Variants in CAPZB observed in about 807,000 individuals in gnomAD.
CAPZB encodes F-actin-capping protein subunit beta.
Under a neutral mutation model 38.1 loss-of-function variants are expected in CAPZB, and 2 were observed. The ratio of observed to expected loss-of-function variants is 0.05; its 90% confidence interval spans 0.02 to 0.17. The LOEUF is 0.17. Ranked by LOEUF, CAPZB falls within the 10% of genes least tolerant of loss-of-function variation. The pLI, the probability that CAPZB is intolerant of heterozygous loss-of-function variation, is 1.00. For synonymous variants in CAPZB, 107 were observed against 127.4 expected (o/e 0.84, Z 1.08); for missense variants, 161 against 334.2 (o/e 0.48, Z 4.04).
intron 1 of CAPZB, among the ~76,000 whole-genome samples, chr1:19,446,313 T>C (rs541449944): frequency 1.1e-4 from 16 of 152,338 alleles, no homozygotes; most frequent in Non-Finnish European, 1.6e-4. Context: ...GACAACATGT[T>C]AGTCCCTGGA....
Position 19,405,541 on chromosome 1 carries a change from C to CAAA in CAPZB, c.93+14117_93+14119dup, listed in dbSNP as rs10577923. Among the ~76,000 whole-genome samples, 225 of 96,426 alleles carry CAAA rather than the reference C, an allele frequency of 2.3e-3. 3 individuals carry two copies. Among genetic ancestry groups the CAAA allele is most frequent in the African/African-American group, 8.0e-3 (178 of 22,376 alleles). 63.3% of individuals were successfully genotyped at this position (96,426 alleles called of 152,430 possible). A position where few individuals can be genotyped will look rare whatever the true frequency, so the allele number is the denominator to read the frequency against. ...TGTTCAACACATAGCTAGAAAGAGG[C>CAAA]AAAAAAAAAAAAAAAAAAAAAAAAT... On this transcript the variant is annotated intron_variant, in intron 2 of 8. Transcript: ENST00000264202.
intron 1 of CAPZB, among the ~76,000 whole-genome samples, chr1:19,448,578 G>C (rs534163893): frequency 6.6e-6 from 1 of 152,192 alleles, no homozygotes; most frequent in Non-Finnish European, 1.5e-5. Context: ...CATGATAAAT[G>C]CTGTAGGGGT....
chr1:19,416,459 TG>T lies in CAPZB; in HGVS notation c.93+3201del, dbSNP rs112671091. Among the ~76,000 whole-genome samples the T allele has an allele frequency of 2.6e-3, 403 of 152,206 alleles. 3 individuals are homozygous for T. Among genetic ancestry groups the T allele is most frequent in the African/African-American group, 9.3e-3 (386 of 41,534 alleles). ...GGTGGCCATATGTACCTTACAGGGG[TG>T]TTGTATGACTTTGAAGAAACAATAA... On this transcript the variant is annotated intron_variant, in intron 2 of 8. Coordinates refer to ENST00000264202, the MANE Select transcript of CAPZB (RefSeq NM_004930.5).
At chr1:19,341,077 C>A (rs899811697) in intron 8 of CAPZB, among the ~76,000 whole-genome samples, 1 of 152,148 alleles carries the variant, frequency 6.6e-6, no homozygotes, top group Non-Finnish European at 1.5e-5. Flanking sequence ...ACAGGAAGAG[C>A]CCTCAAAATA....
At chr1:19,407,736 G>A (rs1048879142) in intron 2 of CAPZB, among the ~76,000 whole-genome samples, 2 of 152,148 alleles carry the variant, frequency 1.3e-5, no homozygotes, top group Non-Finnish European at 2.9e-5. Context: ...CCACGCTCTT[G>A]TCTAGCTTTC....
rs552866451 is a variant in CAPZB, at chr1:19,369,643, G to A, written c.329+8897C>T. Among the ~76,000 whole-genome samples the A allele has an allele frequency of 6.6e-5, 10 of 152,336 alleles. No individual in the cohort carries two copies. The East Asian group carries it at 1.7e-3, about 26-fold the overall frequency. ...CACCCTGCTGTCCCGAGTGCAAGAT[G>A]AGTGGCAAGCGGTGCCCGTCACGGG... On this transcript the variant is annotated intron_variant, in intron 4 of 8. Transcript: ENST00000264202.
chr1:19,407,892 T>A (rs960641744), intron 2 of CAPZB, among the ~76,000 whole-genome samples: 3 of 152,120 alleles, frequency 2.0e-5, no homozygotes, highest in African/African-American at 7.2e-5. Flanking sequence ...GCAGCTGGTG[T>A]CAGATGACCC....
intron 1 of CAPZB, among the ~76,000 whole-genome samples, chr1:19,478,052 T>C (rs776254386): frequency 3.9e-5 from 6 of 152,170 alleles, no homozygotes; most frequent in Non-Finnish European, 8.8e-5. Flanking sequence ...CACAGAGCAA[T>C]TGAAGCAGAG....
chr1:19,444,232 C>T (rs945304397), intron 1 of CAPZB, among the ~76,000 whole-genome samples: 1 of 152,130 alleles, frequency 6.6e-6, no homozygotes, highest in Non-Finnish European at 1.5e-5. Context: ...TAGAAAGAGG[C>T]AGGTGTGTCT....
chr1:19,360,338 CA>C (rs1163493839), intron 4 of CAPZB, among the ~76,000 whole-genome samples: 2 of 152,112 alleles, frequency 1.3e-5, no homozygotes, highest in South Asian at 2.1e-4. Flanking sequence ...GAAAAACAAA[CA>C]AAAAAACCCT....
intron 4 of CAPZB, among the ~76,000 whole-genome samples, chr1:19,371,869 C>T (rs1278914348): frequency 6.6e-6 from 1 of 152,246 alleles, no homozygotes; most frequent in African/African-American, 2.4e-5. Context: ...ACATCCTGCC[C>T]TTCCTGGGCC....
At chr1:19,366,863 A>G (rs2094091289) in intron 4 of CAPZB, among the ~76,000 whole-genome samples, 1 of 152,178 alleles carries the variant, frequency 6.6e-6, no homozygotes, top group African/African-American at 2.4e-5. Context: ...TAAAATCCCC[A>G]GCTATCAGCA....
At chr1:19,481,749 A>C (rs2094629517) in intron 1 of CAPZB, among the ~76,000 whole-genome samples, 1 of 152,160 alleles carries the variant, frequency 6.6e-6, no homozygotes, top group African/African-American at 2.4e-5. Flanking sequence ...ACACCCCAAA[A>C]GGCCTGGGAG....
At chr1:19,364,817 G>A (rs1359080568) in intron 4 of CAPZB, among the ~76,000 whole-genome samples, 2 of 151,990 alleles carry the variant, frequency 1.3e-5, no homozygotes, top group African/African-American at 2.4e-5. Flanking sequence ...TGAACTTGCA[G>A]TCATCTCAAA....
At chr1:19,452,659 C>T (rs1316955172) in intron 1 of CAPZB, among the ~76,000 whole-genome samples, 5 of 152,110 alleles carry the variant, frequency 3.3e-5, no homozygotes, top group South Asian at 2.1e-4. Context: ...TCCATGTCAA[C>T]GCCCAAGTCC....
rs538490337 is a variant in CAPZB at position 19,439,136 on chromosome 1, C to T, written c.4-19386G>A. Among the ~76,000 whole-genome samples, 13 of 152,284 alleles carry T rather than the reference C, an allele frequency of 8.5e-5. No individual in the cohort carries two copies. In the South Asian group the frequency reaches 2.7e-3, roughly 32 times the overall value. On this transcript the variant is annotated intron_variant, in intron 1 of 8. Coordinates refer to ENST00000264202, the MANE Select transcript of CAPZB (RefSeq NM_004930.5). ...AGCTGCCTGTGGCCAAGAAGCCTCCCGGCTTGGGCTGGCCCATCTGAGGGA... is the reference window on the plus strand; with the variant it reads ...AGCTGCCTGTGGCCAAGAAGCCTCCTGGCTTGGGCTGGCCCATCTGAGGGA...
chr1:19,437,526 A>C (rs2094462039), intron 1 of CAPZB, among the ~76,000 whole-genome samples: 1 of 152,184 alleles, frequency 6.6e-6, no homozygotes, highest in Non-Finnish European at 1.5e-5. Flanking sequence ...GTCAATACAG[A>C]ATGCTAAGTC....
chr1:19,469,741 TACACAC>T (rs60330360), intron 1 of CAPZB, among the ~76,000 whole-genome samples: 11,310 of 136,654 alleles, frequency 0.083, 580 homozygotes, highest in East Asian at 0.19. Flanking sequence ...AGGAAAAGAA[TACACAC>T]ACACACACAC....
chr1:19,474,558 T>A (rs569946824), intron 1 of CAPZB, among the ~76,000 whole-genome samples: 1 of 152,268 alleles, frequency 6.6e-6, no homozygotes, highest in South Asian at 2.1e-4. Flanking sequence ...ACACTTCACA[T>A]GCCTTAGAAT....
Sources: allele counts gnomAD v4.1 joint callset (sites outside exome capture counted in the v4.1 genomes callset), GRCh38; gene constraint gnomAD v4.1.1; transcripts MANE v1.5; gene names NCBI Gene and HGNC (gene_info 2026-07-23, HGNC 2026-07-21).